VTA1: variants seen among roughly 807,000 people sequenced by gnomAD.
VTA1 encodes the protein vacuolar protein sorting-associated protein VTA1 homolog.
Under a neutral mutation model 36.9 loss-of-function variants are expected in VTA1, and 24 were observed. That is an observed-to-expected ratio of 0.65 (90% CI 0.47 to 0.91). The LOEUF is 0.91. Ranked by LOEUF, VTA1 falls within the 40% of genes least tolerant of loss-of-function variation. VTA1 has a pLI of 0.00. For synonymous variants in VTA1, 142 were observed against 130.2 expected, an observed-to-expected ratio of 1.09 and a Z score of -0.62; for missense variants, 393 against 377.2, an observed-to-expected ratio of 1.04 and a Z score of -0.35.
chr6:142,166,613 CCT>C (rs1774919790), intron 2 of VTA1, among the ~76,000 whole-genome samples: 1 of 151,440 alleles, frequency 6.6e-6, no homozygotes, highest in Non-Finnish European at 1.5e-5. Flanking sequence ...AAAAACCCCT[CCT>C]TTTTTTTTTT....
intron 1 of VTA1, among the ~76,000 whole-genome samples, chr6:142,158,617 A>G (rs1778710696): frequency 6.6e-6 from 1 of 152,182 alleles, no homozygotes; most frequent in African/African-American, 2.4e-5. Flanking sequence ...GCAATGTTTA[A>G]AACATTTATA....
chr6:142,215,348 GGA>G (rs1775986491), intron 7 of VTA1, among the ~76,000 whole-genome samples: 1 of 152,036 alleles, frequency 6.6e-6, no homozygotes, highest in Non-Finnish European at 1.5e-5. Context: ...GGCTGAGGCA[GGA>G]GAATGGCATG....
chr6:142,176,844 G>T (rs1002991735), intron 4 of VTA1, among the ~76,000 whole-genome samples: 13 of 152,104 alleles, frequency 8.5e-5, no homozygotes, highest in African/African-American at 3.1e-4. Context: ...CACAGATCTA[G>T]ATCTTTTTTG....
chr6:142,148,711 G>C (rs551554081), intron 1 of VTA1, among the ~76,000 whole-genome samples: 2 of 152,320 alleles, frequency 1.3e-5, no homozygotes, highest in East Asian at 3.9e-4. Flanking sequence ...AGAGTATCAG[G>C]AGTAGTGGTG....
At chr6:142,168,765 A>AT (rs1774972876) in intron 2 of VTA1, among the ~76,000 whole-genome samples, 1 of 146,950 alleles carries the variant, frequency 6.8e-6, no homozygotes, top group Non-Finnish European at 1.5e-5. Context: ...TATTATTATT[A>AT]TTATTATTAT....
intron 5 of VTA1, among the ~76,000 whole-genome samples, chr6:142,193,531 C>T (rs1775492762): frequency 6.6e-6 from 1 of 151,898 alleles, no homozygotes; most frequent in Non-Finnish European, 1.5e-5. Context: ...ATGGACTTTC[C>T]AGTCTATACA....
intron 1 of VTA1, among the ~76,000 whole-genome samples, chr6:142,159,477 G>GGTATTATTA: frequency 7.5e-6 from 1 of 133,738 alleles, no homozygotes; most frequent in South Asian, 2.4e-4. Context: ...TTTCATTTCA[G>GGTATTATTA]GTATTATTAT....
chr6:142,164,485 C>T (rs749373314), intron 1 of VTA1, among the ~76,000 whole-genome samples: 1 of 152,000 alleles, frequency 6.6e-6, no homozygotes, highest in Non-Finnish European at 1.5e-5. Flanking sequence ...TGAGATAGCC[C>T]TCAAAGCCTA....
chr6:142,166,789 GT>G (rs369711518), intron 2 of VTA1, among the ~76,000 whole-genome samples: 1 of 151,954 alleles, frequency 6.6e-6, no homozygotes, highest in African/African-American at 2.4e-5. Context: ...CGCCCGGCTA[GT>G]TTTTTTGTAT....
chr6:142,177,323 G>A (rs1190408573), intron 4 of VTA1, among the ~76,000 whole-genome samples: 2 of 152,178 alleles, frequency 1.3e-5, no homozygotes, highest in Non-Finnish European at 2.9e-5. Flanking sequence ...TCCAAATTCT[G>A]TCACTCCATA....
intron 4 of VTA1, among the ~76,000 whole-genome samples, chr6:142,174,470 C>T (rs1775082370): frequency 6.6e-6 from 1 of 152,106 alleles, no homozygotes; most frequent in African/African-American, 2.4e-5. Context: ...TGCTTTTAAT[C>T]TTACAGGCTC....
intron 7 of VTA1, among the ~76,000 whole-genome samples, chr6:142,210,313 A>G (rs1013801932): frequency 3.9e-5 from 6 of 152,226 alleles, no homozygotes; most frequent in Admixed American, 2.0e-4. Flanking sequence ...TCTAAGACCT[A>G]TGAAACTTAT....
At chr6:142,212,231 A>G (rs1775918015) in intron 7 of VTA1, among the ~76,000 whole-genome samples, 2 of 152,264 alleles carry the variant, frequency 1.3e-5, no homozygotes, top group South Asian at 2.1e-4. Flanking sequence ...TATAGCAGCA[A>G]TGTTTACAAT....
intron 5 of VTA1, among the ~76,000 whole-genome samples, chr6:142,193,882 G>A (rs187586921): frequency 6.6e-6 from 1 of 151,948 alleles, no homozygotes; most frequent in East Asian, 1.9e-4. Flanking sequence ...TAGTTTGCAG[G>A]GATCTTAATA....
chr6:142,161,518 A>G (rs1009356402), intron 1 of VTA1, among the ~76,000 whole-genome samples: 6 of 152,280 alleles, frequency 3.9e-5, no homozygotes, highest in Admixed American at 6.5e-5. Flanking sequence ...AATGTCTCAC[A>G]TTAAATTAAA....
At chr6:142,217,307 T>C (rs1464665209) in intron 7 of VTA1, among the ~76,000 whole-genome samples, 1 of 152,170 alleles carries the variant, frequency 6.6e-6, no homozygotes, top group Admixed American at 6.5e-5. Context: ...GAACTTAGTT[T>C]TAAAATGTGG....
chr6:142,167,351 A>G (rs1338472091), intron 2 of VTA1, among the ~76,000 whole-genome samples: 1 of 152,104 alleles, frequency 6.6e-6, no homozygotes, highest in Non-Finnish European at 1.5e-5. Flanking sequence ...GTCAGGGTAC[A>G]CTCATTAATT....
intron 4 of VTA1, among the ~76,000 whole-genome samples, chr6:142,184,604 G>T (rs904111818): frequency 1.3e-5 from 2 of 152,090 alleles, no homozygotes; most frequent in Non-Finnish European, 2.9e-5. Flanking sequence ...ACTTAGCCTT[G>T]GAGGAAAAGA....
intron 5 of VTA1, among the ~76,000 whole-genome samples, chr6:142,194,733 TCTTTC>T (rs1775515051): frequency 6.6e-6 from 1 of 152,134 alleles, no homozygotes; most frequent in Non-Finnish European, 1.5e-5. Flanking sequence ...AATCCTCATT[TCTTTC>T]TTTTCTTGAC....
Sources: allele counts gnomAD v4.1 joint callset (sites outside exome capture counted in the v4.1 genomes callset), GRCh38; gene constraint gnomAD v4.1.1; transcripts MANE v1.5; gene names NCBI Gene and HGNC (gene_info 2026-07-23, HGNC 2026-07-21).